SLC14A2: variants seen among roughly 807,000 people sequenced by gnomAD.
SLC14A2 encodes solute carrier family 14 member 2, also known as urea transporter 2.
In SLC14A2, 91 loss-of-function variants were observed where a neutral mutation model predicts 104.6. That is an observed-to-expected ratio of 0.87 (90% CI 0.73 to 1.04). The LOEUF is 1.04. Ranked by LOEUF, SLC14A2 falls within the 50% of genes least tolerant of loss-of-function variation. SLC14A2 has a pLI of 0.00. For missense variants in SLC14A2, 1,189 were observed against 1,156.0 expected (o/e 1.03, Z -0.41); for synonymous variants, 476 against 466.4 (o/e 1.02, Z -0.27).
At chr18:45,273,280 A>G (rs1229230060) in intron 1 of SLC14A2, among the ~76,000 whole-genome samples, 1 of 152,082 alleles carries the variant, frequency 6.6e-6, no homozygotes. Flanking sequence ...AGAGAGAATA[A>G]TTTTCTCAAA....
chr18:45,410,152 G>C (rs745787745), intron 1 of SLC14A2, among the ~76,000 whole-genome samples: 1 of 152,148 alleles, frequency 6.6e-6, no homozygotes, highest in Non-Finnish European at 1.5e-5. Flanking sequence ...TCTGACAGGA[G>C]GCGGAGCTCA....
chr18:45,340,487 G>T (rs1219550926), intron 1 of SLC14A2, among the ~76,000 whole-genome samples: 2 of 152,184 alleles, frequency 1.3e-5, no homozygotes, highest in Admixed American at 6.5e-5. Flanking sequence ...AGAATTTGTT[G>T]TCCTGATTAT....
At chr18:45,473,070 G>C (rs1281288881) in intron 1 of SLC14A2, among the ~76,000 whole-genome samples, 1 of 152,104 alleles carries the variant, frequency 6.6e-6, no homozygotes, top group Non-Finnish European at 1.5e-5. Flanking sequence ...GTAAGGAAGG[G>C]GTCCAGGTTC....
intron 4 of SLC14A2, among the ~76,000 whole-genome samples, chr18:45,630,610 A>G (rs2045327895): frequency 6.6e-6 from 1 of 152,238 alleles, no homozygotes. Flanking sequence ...CACTCTCCAC[A>G]GGGTGGGACA....
At chr18:45,320,380 A>T (rs1482499165) in intron 1 of SLC14A2, among the ~76,000 whole-genome samples, 1 of 152,224 alleles carries the variant, frequency 6.6e-6, no homozygotes, top group South Asian at 2.1e-4. Flanking sequence ...GTCCAATCAC[A>T]TAAGTCACAA....
intron 2 of SLC14A2, among the ~76,000 whole-genome samples, chr18:45,504,031 G>A (rs753453920): frequency 6.6e-6 from 1 of 152,224 alleles, no homozygotes; most frequent in Non-Finnish European, 1.5e-5. Context: ...TGGCTAAAGT[G>A]CACTCACAAG....
intron 1 of SLC14A2, among the ~76,000 whole-genome samples, chr18:45,340,882 G>A (rs1480162876): frequency 6.6e-6 from 1 of 152,292 alleles, no homozygotes; most frequent in East Asian, 1.9e-4. Context: ...TTCACAACCT[G>A]CAACCCCAAA....
chr18:45,346,972 TAAAAATAA>T (rs147421683), intron 1 of SLC14A2, among the ~76,000 whole-genome samples: 22,540 of 145,672 alleles, frequency 0.15, 2,660 homozygotes, highest in African/African-American at 0.34. Flanking sequence ...AAAATAAAAA[TAAAAATAA>T]AAATAAATAA....
At chr18:45,245,347 G>T (rs1480232237) in intron 1 of SLC14A2, among the ~76,000 whole-genome samples, 1 of 152,270 alleles carries the variant, frequency 6.6e-6, no homozygotes, top group African/African-American at 2.4e-5. Flanking sequence ...AGTCTGTGAG[G>T]TCTCCACTGT....
chr18:45,268,694 AAG>A (rs1246187671), intron 1 of SLC14A2, among the ~76,000 whole-genome samples: 2 of 152,172 alleles, frequency 1.3e-5, no homozygotes, highest in African/African-American at 4.8e-5. Flanking sequence ...AGGTGGTAAA[AAG>A]TCTGGACTGC....
the SLC14A2 span, among the ~76,000 whole-genome samples, chr18:45,174,823 A>G: frequency 6.6e-6 from 1 of 152,210 alleles, no homozygotes; most frequent in Non-Finnish European, 1.5e-5. Flanking sequence ...GCATATGAAC[A>G]GAGAGCTAAC....
intron 1 of SLC14A2, among the ~76,000 whole-genome samples, chr18:45,457,029 A>G (rs193211921): frequency 6.6e-6 from 1 of 152,314 alleles, no homozygotes; most frequent in Admixed American, 6.5e-5. Context: ...CAGGGCTGCC[A>G]GGATCTCCTC....
chr18:45,316,839 G>T (rs1416159663), intron 1 of SLC14A2, among the ~76,000 whole-genome samples: 1 of 152,150 alleles, frequency 6.6e-6, no homozygotes, highest in Non-Finnish European at 1.5e-5. Flanking sequence ...CTCCATGAAG[G>T]CATCTGCAAA....
chr18:45,293,275 C>T lies in SLC14A2; in HGVS notation c.-125+80084C>T, dbSNP rs12969185. On this transcript the variant is annotated intron_variant, in intron 1 of 20. Transcript: ENST00000586448. Reference sequence around the variant, plus strand: ...TAAGTCTGGTGTTATTTCATTCATTCATTCATTCATGTATTCATTCATAAA... The same window carrying T: ...TAAGTCTGGTGTTATTTCATTCATTTATTCATTCATGTATTCATTCATAAA... Among the ~76,000 whole-genome samples the T allele has an allele frequency of 8.1e-3, 1,238 of 152,168 alleles. 14 individuals carry two copies. Among genetic ancestry groups the T allele is most frequent in the African/African-American group, 0.027 (1,122 of 41,492 alleles).
chr18:45,455,003 A>G (rs2086918594), intron 1 of SLC14A2, among the ~76,000 whole-genome samples: 1 of 152,120 alleles, frequency 6.6e-6, no homozygotes, highest in Non-Finnish European at 1.5e-5. Context: ...TTTTGGTTCC[A>G]TATGAAGTTT....
chr18:45,353,713 A>G (rs1480873023), intron 1 of SLC14A2, among the ~76,000 whole-genome samples: 2 of 152,074 alleles, frequency 1.3e-5, no homozygotes, highest in African/African-American at 4.8e-5. Context: ...TGCGTTTGAG[A>G]GAGTCTGGGT....
intron 1 of SLC14A2, among the ~76,000 whole-genome samples, chr18:45,446,046 T>A (rs1051265572): frequency 3.3e-5 from 5 of 152,194 alleles, no homozygotes; most frequent in Non-Finnish European, 7.3e-5. Context: ...CTCCAAAATC[T>A]TAGTGTTCTC....
intron 3 of SLC14A2, 59 bp downstream of exon 3, chr18:45,625,922 C>A: frequency 7.7e-7 from 1 of 1,291,090 alleles, no homozygotes; most frequent in Non-Finnish European, 1.0e-6. Context: ...AGACAACCCT[C>A]TCTCCGGTTT....
At chr18:45,287,402 C>A (rs2084825188) in intron 1 of SLC14A2, among the ~76,000 whole-genome samples, 2 of 152,228 alleles carry the variant, frequency 1.3e-5, no homozygotes, top group African/African-American at 4.8e-5. Context: ...GTGTTGTGAA[C>A]CTAGTGTGCT....
Sources: gnomAD v4.1 joint callset for allele counts (sites outside exome capture counted in the v4.1 genomes callset) on GRCh38, gnomAD v4.1.1 for gene constraint, MANE v1.5 for transcripts, NCBI Gene and HGNC (gene_info 2026-07-23, HGNC 2026-07-21) for gene names.